SF1: variants seen among roughly 807,000 people sequenced by gnomAD.
The protein encoded by SF1 is branch point-binding protein.
SF1 carries 7 observed loss-of-function variants against 62.5 expected under a neutral mutation model. The ratio of observed to expected loss-of-function variants is 0.11; its 90% CI spans 0.06 to 0.21. The LOEUF is 0.21. SF1 is among the 10% of genes least tolerant of loss of function. The probability of loss-of-function intolerance (pLI) is 1.00; values close to 1 mark genes in which losing one functional copy is unlikely to be tolerated. For missense variants in SF1, 578 were observed against 884.0 expected (o/e 0.65, Z 4.39); for synonymous variants, 394 against 323.6 (o/e 1.22, Z -2.33).
rs368016566 is a variant in SF1 at position 64,776,651 on chromosome 11, C to T, written c.32-25G>A. ...TCTAAAAGGCAGAGACAAAATCCAT[C>T]CGATGTAAATACAAGTAGTTATCAA... On this transcript the variant is annotated intron_variant, in intron 1 of 12. Transcript: ENST00000377390. The T allele has an allele frequency of 4.4e-6, 7 of 1,604,182 alleles. No individual in the cohort carries two copies. The African/African-American group carries it at 8.1e-5, about 19-fold the overall frequency.
At chr11:64,768,364 C>T (rs1937690684) in intron 8 of SF1, 78 bp from the exon 9 acceptor site, 16 of 1,387,712 alleles carry the variant, frequency 1.2e-5, no homozygotes, top group Admixed American at 2.0e-5. Flanking sequence ...GAGGAACCAA[C>T]ATATGGAAAG....
At chr11:64,774,306 G>C (rs1335966739) in intron 2 of SF1, among the ~76,000 whole-genome samples, 2 of 152,196 alleles carry the variant, frequency 1.3e-5, no homozygotes, top group Non-Finnish European at 2.9e-5. Flanking sequence ...CTTGGCCCTC[G>C]GGCCTTGACC....
At chr11:64,767,930 C>A in intron 9 of SF1, 86 bp from the exon 10 acceptor site, 2 of 1,535,366 alleles carry the variant, frequency 1.3e-6, no homozygotes, top group Non-Finnish European at 1.8e-6. Flanking sequence ...AGGACCAGAA[C>A]ACAAGAACAA....
chr11:64,765,308 GT>G lies in SF1; in HGVS notation c.*509del. On this transcript the variant is annotated 3_prime_UTR_variant, in exon 13 of 13. Transcript: ENST00000377390. ...TCTGAAGAAAGGAAAAGATAAAGAA[GT>G]AACAAAGGAAAAAGAAAAAAATTAA... is the stretch of plus-strand genomic sequence containing the variant. The G allele has an allele frequency of 1.5e-6, 1 of 646,548 alleles. No homozygotes were observed. The allele number at this position is 646,548 out of a possible 1,614,324, so 40.1% of individuals were successfully genotyped here.
chr11:64,772,502 T>C, intron 3 of SF1: 1 of 985,042 alleles, frequency 1.0e-6, no homozygotes, highest in Non-Finnish European at 1.2e-6. Context: ...GAGTGACTTC[T>C]AAAGCCATTA....
chr11:64,778,265 A>C, intron 1 of SF1, 97 bp downstream of exon 1: 1 of 1,210,616 alleles, frequency 8.3e-7, no homozygotes, highest in Non-Finnish European at 1.0e-6. Flanking sequence ...CCCGGGAGCC[A>C]GCAGCCCCGC....
chr11:64,773,631 G>T, intron 2 of SF1, 126 bp from the exon 3 acceptor site: 1 of 1,090,000 alleles, frequency 9.2e-7, no homozygotes, highest in Non-Finnish European at 1.3e-6. Flanking sequence ...ACTGATCAGT[G>T]AACACATTGA....
chr11:64,771,657 C>A, intron 3 of SF1: 2 of 985,314 alleles, frequency 2.0e-6, no homozygotes, highest in Non-Finnish European at 2.4e-6. Flanking sequence ...ACTGTTAGCA[C>A]AATCCATTAA....
chr11:64,770,190 C>G (rs1253083596), intron 4 of SF1, 66 bp downstream of exon 4: 2 of 1,577,814 alleles, frequency 1.3e-6, no homozygotes, highest in African/African-American at 2.7e-5. Context: ...AATACTGTCC[C>G]ATCCCAGCAG....
chr11:64,777,612 G>C, intron 1 of SF1: 1 of 985,488 alleles, frequency 1.0e-6, no homozygotes. Flanking sequence ...ATCAGGTGAG[G>C]CTTTCACGCC....
chr11:64,768,026 C>A, intron 9 of SF1, 80 bp downstream of exon 9: 1 of 1,513,838 alleles, frequency 6.6e-7, no homozygotes, highest in South Asian at 1.3e-5. Context: ...CTGCTCTACC[C>A]AAACCACGTG....
At chr11:64,768,902 A>T in intron 8 of SF1, 120 bp downstream of exon 8, 1 of 773,016 alleles carries the variant, frequency 1.3e-6, no homozygotes, top group Non-Finnish European at 2.4e-6. Flanking sequence ...ACACCATTAC[A>T]GACCACACTA....
chr11:64,766,937 G>C lies in SF1; in HGVS notation c.1545C>G (p.Ser515Arg), dbSNP rs776142876. 4.3e-6 allele frequency: 6 copies of C among 1,397,308 alleles called. No individual in the cohort carries two copies. Among genetic ancestry groups the C allele is most frequent in the Non-Finnish European group, 3.8e-6 (4 of 1,062,106 alleles). The allele number at this position is 1,397,308 out of a possible 1,614,324, so 86.6% of individuals were successfully genotyped here. Residue 515 changes from serine (S) to arginine (R), a missense_variant, in exon 12 of 13, where the codon AGC becomes AGG. By Grantham distance (110) the Ser-to-Arg change is moderately radical (BLOSUM62 -1). This residue lies in a region of SF1 where 410 missense variants were observed against 452.4 expected (regional missense o/e 0.91). Coordinates refer to ENST00000377390, the MANE Select transcript of SF1 (RefSeq NM_004630.4). ...GCAAGGGGGTACTGGAAGCCATACT[G>C]CTGCTGGGCGGAGGGGGTGGCGGAG... ...QQPPPPPPPS[S>R]SMASSTPLPW...
chr11:64,767,938 CAAGGTCTTCCCG>C, intron 9 of SF1, 94 bp from the exon 10 acceptor site: 1 of 1,515,238 alleles, frequency 6.6e-7, no homozygotes, highest in Middle Eastern at 1.7e-4. Flanking sequence ...AACACAAGAA[CAAGGTCTTCCCG>C]AAGTGAGAAG....
intron 1 of SF1, chr11:64,777,926 G>T: frequency 8.3e-6 from 8 of 968,698 alleles, no homozygotes; most frequent in Non-Finnish European, 9.8e-6. Flanking sequence ...GCCGCCGCGC[G>T]CCCCTCAGGC....
Position 64,765,433 on chromosome 11 carries a change from G to A in SF1, c.*385C>T. On this transcript the variant is annotated 3_prime_UTR_variant, in exon 13 of 13. Coordinates refer to ENST00000377390, the MANE Select transcript of SF1 (RefSeq NM_004630.4). Reference sequence around the variant, plus strand: ...CATCCTGTCCACCAGGGGCGTTGCTGAGGCTGTCTGCCTGGAAGGGTCACC... The same window carrying A: ...CATCCTGTCCACCAGGGGCGTTGCTAAGGCTGTCTGCCTGGAAGGGTCACC... 1 of 1,578,792 alleles carries A rather than the reference G, an allele frequency of 6.3e-7. No individual in the cohort carries two copies. Among genetic ancestry groups the A allele is most frequent in the Non-Finnish European group, 8.7e-7 (1 of 1,148,108 alleles).
chr11:64,771,672 G>A (rs1938340630), intron 3 of SF1: 2 of 985,254 alleles, frequency 2.0e-6, no homozygotes, highest in Non-Finnish European at 2.4e-6. Context: ...CATTAAGAGT[G>A]AACAAAAGCA....
chr11:64,776,718 C>T, intron 1 of SF1, 92 bp from the exon 2 acceptor site: 1 of 1,248,520 alleles, frequency 8.0e-7, no homozygotes, highest in Admixed American at 2.4e-5. Context: ...AGAAACTCAG[C>T]AGACTGTGAA....
chr11:64,770,433 C>G (rs933850041), intron 3 of SF1, 25 bp from the exon 4 acceptor site: 10 of 1,602,544 alleles, frequency 6.2e-6, no homozygotes, highest in Non-Finnish European at 8.5e-6. Flanking sequence ...CTCCCGTTTA[C>G]TATTCTGCAC....
Sources: gnomAD v4.1 joint callset for allele counts (sites outside exome capture counted in the v4.1 genomes callset) on GRCh38, gnomAD v4.1.1 for gene constraint, gnomAD v4.1.1 regional missense constraint, MANE v1.5 for transcripts, NCBI Gene and HGNC (gene_info 2026-07-23, HGNC 2026-07-21) for gene names.